PLEKHA2: variants seen among roughly 807,000 people sequenced by gnomAD.
The protein encoded by PLEKHA2 is pleckstrin homology domain-containing family A member 2.
PLEKHA2 carries 28 observed loss-of-function variants against 53.2 expected under a neutral mutation model. The ratio of observed to expected loss-of-function variants is 0.53; its 90% CI spans 0.39 to 0.72. The LOEUF is 0.72. Among genes scored for constraint, PLEKHA2 ranks in the 30% least tolerant of loss-of-function variants. PLEKHA2 has a pLI of 0.00. For missense variants in PLEKHA2, 426 were observed against 537.9 expected (o/e 0.79, Z 2.06); for synonymous variants, 193 against 196.4 (o/e 0.98, Z 0.14).
intron 2 of PLEKHA2, among the ~76,000 whole-genome samples, chr8:38,927,367 G>A (rs1313348157): frequency 1.3e-5 from 2 of 151,978 alleles, no homozygotes; most frequent in East Asian, 1.9e-4. Flanking sequence ...TTAGGCAATC[G>A]TGGTGGCATA....
intron 1 of PLEKHA2, among the ~76,000 whole-genome samples, chr8:38,907,253 T>A (rs1392299091): frequency 6.6e-6 from 1 of 152,212 alleles, no homozygotes; most frequent in Non-Finnish European, 1.5e-5. Context: ...ATTTTTGAAC[T>A]GAGGTTGTAG....
At chr8:38,915,132 G>A (rs566783173) in intron 1 of PLEKHA2, among the ~76,000 whole-genome samples, 1 of 152,222 alleles carries the variant, frequency 6.6e-6, no homozygotes, top group South Asian at 2.1e-4. Context: ...GTTTTGTGGA[G>A]ACGAGGTCTC....
At chr8:38,937,545 T>C (rs986951508) in intron 3 of PLEKHA2, among the ~76,000 whole-genome samples, 3 of 152,184 alleles carry the variant, frequency 2.0e-5, no homozygotes, top group Admixed American at 2.0e-4. Context: ...AGTCTCCTGC[T>C]GAATCATGAT....
In PLEKHA2 at chr8:38,922,846, T is replaced by G. The variant is rs1457849946; in HGVS notation, c.141+4776T>G. 6.6e-6 allele frequency among the ~76,000 whole-genome samples: 1 copy of G among 152,218 alleles called. No homozygotes were observed. The highest frequency in any genetic ancestry group is 1.5e-5 in the Non-Finnish European group (1 of 68,052). On this transcript the variant is annotated intron_variant, in intron 2 of 11. Transcript: ENST00000617275. The surrounding 1 kb of genome is among the most constrained non-coding windows in gnomAD (Gnocchi z 4.0). Reference sequence around the variant, plus strand: ...CCTGGGGCCTAGGGTCTGTTGTTACTCTTTGCTCATGGTTGTGCAGGTGGT... The same window carrying G: ...CCTGGGGCCTAGGGTCTGTTGTTACGCTTTGCTCATGGTTGTGCAGGTGGT...
rs991776179 is a variant in PLEKHA2, at chr8:38,946,214, A to C, written c.338A>C (p.Lys113Thr). The C allele has an allele frequency of 6.3e-7, 1 of 1,599,782 alleles. No homozygotes were observed. Among genetic ancestry groups the C allele is most frequent in the Non-Finnish European group, 8.5e-7 (1 of 1,172,692 alleles). ...DWVEALNQAS[K>T]ITVPKGGGLP... ...GTTGAAGCCCTGAACCAAGCCAGCAAGATCACCGTAAGTTTGGTTTCTTCT... is the reference window on the plus strand; with the variant it reads ...GTTGAAGCCCTGAACCAAGCCAGCACGATCACCGTAAGTTTGGTTTCTTCT... Residue 113 changes from lysine (K) to threonine (T), a missense_variant, in exon 5 of 12, where the codon AAG becomes ACG. By Grantham distance (78) the Lys-to-Thr change is moderately conservative. Coordinates refer to ENST00000617275, the MANE Select transcript of PLEKHA2 (RefSeq NM_021623.2).
Position 38,922,664 on chromosome 8 carries a change from C to T in PLEKHA2, c.141+4594C>T, listed in dbSNP as rs539103212. Among the ~76,000 whole-genome samples, 10 of 152,340 alleles carry T rather than the reference C, an allele frequency of 6.6e-5. No individual in the cohort carries two copies. In the East Asian group the frequency reaches 1.7e-3, roughly 26 times the overall value. On this transcript the variant is annotated intron_variant, in intron 2 of 11. Coordinates refer to ENST00000617275, the MANE Select transcript of PLEKHA2 (RefSeq NM_021623.2). This position sits in a 1 kb window ranked among gnomAD's most constrained non-coding sequence, Gnocchi z 4.0. ...GGTCTCCGATCTTTGTGTGTTGAAG[C>T]CACCTGGTAGGTGGTGTTCACTGAG...
At chr8:38,907,135 G>A (rs1410927783) in intron 1 of PLEKHA2, among the ~76,000 whole-genome samples, 1 of 152,130 alleles carries the variant, frequency 6.6e-6, no homozygotes, top group African/African-American at 2.4e-5. Flanking sequence ...TTGTCAAAAA[G>A]CACCTTTTGA....
intron 5 of PLEKHA2, among the ~76,000 whole-genome samples, chr8:38,949,420 A>G (rs182427694): frequency 1.1e-4 from 16 of 152,304 alleles, no homozygotes; most frequent in Admixed American, 9.2e-4. Flanking sequence ...TTTCTATCTA[A>G]AAGGGAACTG....
chr8:38,925,408 T>C (rs1193102254), intron 2 of PLEKHA2, among the ~76,000 whole-genome samples: 3 of 152,230 alleles, frequency 2.0e-5, no homozygotes, highest in Admixed American at 2.0e-4. Flanking sequence ...GACCAAATTA[T>C]ATGGCCCTGA....
chr8:38,933,790 A>AAAAAAAAAAAAAAAGAAAAG (rs71216697), intron 2 of PLEKHA2, among the ~76,000 whole-genome samples: 2 of 90,662 alleles, frequency 2.2e-5, no homozygotes, highest in Admixed American at 1.2e-4. Context: ...AAAAAAAAAA[A>AAAAAAAAAAAAAAAGAAAAG]AAAAGAAAAG....
chr8:38,943,406 A>G (rs1354191811), intron 3 of PLEKHA2, among the ~76,000 whole-genome samples: 2 of 152,122 alleles, frequency 1.3e-5, no homozygotes, highest in Non-Finnish European at 2.9e-5. Flanking sequence ...GGATCACTTG[A>G]GCCCAGGAGT....
rs56714628 is a variant in PLEKHA2 at position 38,964,852 on chromosome 8, C to CTTTT, written c.838-3713_838-3710dup. On this transcript the variant is annotated intron_variant, in intron 10 of 11. Coordinates refer to ENST00000617275, the MANE Select transcript of PLEKHA2 (RefSeq NM_021623.2). ...TATTTTATTTTTTCTTGTTACTTCC[C>CTTTT]TTTTTTTTTTTTTTTTTTTTTTTTT... 1.5e-3 allele frequency among the ~76,000 whole-genome samples: 82 copies of CTTTT among 54,968 alleles called. 29 individuals are homozygous for CTTTT. The East Asian group carries it at 0.016, about 11-fold the overall frequency. The allele number at this position is 54,968 out of a possible 152,430, so 36.1% of individuals were successfully genotyped here.
chr8:38,953,762 T>A (rs1834888512), intron 9 of PLEKHA2, among the ~76,000 whole-genome samples: 1 of 152,218 alleles, frequency 6.6e-6, no homozygotes, highest in Non-Finnish European at 1.5e-5. Context: ...TCTGGTCAGA[T>A]CACTGTACTA....
chr8:38,945,576 A>G (rs1036199484), intron 4 of PLEKHA2, among the ~76,000 whole-genome samples: 1 of 152,232 alleles, frequency 6.6e-6, no homozygotes, highest in African/African-American at 2.4e-5. Flanking sequence ...ATATGTAATA[A>G]TAGTGAATGT....
chr8:38,937,149 C>T (rs1305691506), intron 3 of PLEKHA2, among the ~76,000 whole-genome samples: 1 of 152,224 alleles, frequency 6.6e-6, no homozygotes, highest in Non-Finnish European at 1.5e-5. Flanking sequence ...GTCTGGCAGA[C>T]ACAGCCCAGT....
At chr8:38,928,938 C>T (rs1337420535) in intron 2 of PLEKHA2, among the ~76,000 whole-genome samples, 1 of 152,166 alleles carries the variant, frequency 6.6e-6, no homozygotes, top group East Asian at 1.9e-4. Context: ...TCGCTTGGCT[C>T]CCCTGCTTTG....
chr8:38,915,292 C>T (rs896229492), intron 1 of PLEKHA2, among the ~76,000 whole-genome samples: 3 of 152,200 alleles, frequency 2.0e-5, no homozygotes, highest in African/African-American at 2.4e-5. Context: ...AAAGGGTAAC[C>T]GTATTAGGCT....
In PLEKHA2 at chr8:38,969,283, A is replaced by G. The variant is rs893465434; in HGVS notation, c.916-138A>G. The G allele has an allele frequency of 4.9e-6, 5 of 1,013,956 alleles. No homozygotes were observed. The East Asian group carries it at 1.3e-4, about 26-fold the overall frequency. The allele number at this position is 1,013,956 out of a possible 1,614,324, so 62.8% of individuals were successfully genotyped here. ...ATTTGGAGTGAATCCTTTTGACTGT[A>G]TTTCATTTTTGTAGGCAAGCATCCT... On this transcript the variant is annotated intron_variant, in intron 11 of 11. Coordinates refer to ENST00000617275, the MANE Select transcript of PLEKHA2 (RefSeq NM_021623.2).
intron 10 of PLEKHA2, among the ~76,000 whole-genome samples, chr8:38,965,560 A>C (rs1835120883): frequency 6.6e-6 from 1 of 152,218 alleles, no homozygotes; most frequent in South Asian, 2.1e-4. Flanking sequence ...AAAATCTCTT[A>C]ATAAATGCTT....
Sources: gnomAD v4.1 joint callset for allele counts (sites outside exome capture counted in the v4.1 genomes callset) on GRCh38, gnomAD v4.1.1 for gene constraint, Gnocchi (gnomAD v3.1) non-coding constraint, MANE v1.5 for transcripts, NCBI Gene and HGNC (gene_info 2026-07-23, HGNC 2026-07-21) for gene names.